Variants in GPD2 observed in about 807,000 individuals in gnomAD.
GPD2 encodes glycerol-3-phosphate dehydrogenase 2.
GPD2 carries 54 observed loss-of-function variants against 82.4 expected under a neutral mutation model. The observed-to-expected ratio is 0.66, with a 90% CI of 0.53 to 0.82. The LOEUF is 0.82. Ranked by LOEUF, GPD2 falls within the 40% of genes least tolerant of loss-of-function variation. GPD2 has a pLI of 0.00. For synonymous variants in GPD2, 288 were observed against 306.1 expected, an observed-to-expected ratio of 0.94 and a Z score of 0.62; for missense variants, 748 against 896.2, an observed-to-expected ratio of 0.83 and a Z score of 2.11.
intron 2 of GPD2, among the ~76,000 whole-genome samples, chr2:156,483,663 T>A (rs17251686): frequency 0.24 from 36,214 of 152,144 alleles, 5,175 homozygotes; most frequent in South Asian, 0.33. Context: ...ATCAAAATCA[T>A]AAGCATAGTA....
At chr2:156,533,769 C>A (rs915228202) in intron 6 of GPD2, among the ~76,000 whole-genome samples, 1 of 152,204 alleles carries the variant, frequency 6.6e-6, no homozygotes, top group Non-Finnish European at 1.5e-5. Context: ...ACCCCCCTCG[C>A]AGGATGTGCA....
chr2:156,467,801 G>A (rs976846246), intron 1 of GPD2, among the ~76,000 whole-genome samples: 3 of 152,142 alleles, frequency 2.0e-5, no homozygotes, highest in South Asian at 4.1e-4. Context: ...ACAGGCTAAT[G>A]TGCCTCTTCT....
At chr2:156,504,171 A>G (rs1181061452) in intron 3 of GPD2, among the ~76,000 whole-genome samples, 1 of 152,196 alleles carries the variant, frequency 6.6e-6, no homozygotes, top group Non-Finnish European at 1.5e-5. Context: ...GCTAATATTC[A>G]CTTTTGGAAA....
chr2:156,550,495 G>T, intron 7 of GPD2, 107 bp from the exon 8 acceptor site: 1 of 1,084,552 alleles, frequency 9.2e-7, no homozygotes, highest in Middle Eastern at 2.7e-4. Context: ...AGTGTGGTAT[G>T]CAGTATACTT....
intron 1 of GPD2, among the ~76,000 whole-genome samples, chr2:156,461,396 T>G (rs1682983388): frequency 6.6e-6 from 1 of 152,190 alleles, no homozygotes; most frequent in African/African-American, 2.4e-5. Context: ...CTTTTTTGTT[T>G]GTTTGTTTTT....
chr2:156,452,958 C>G (rs1682667019), intron 1 of GPD2, among the ~76,000 whole-genome samples: 1 of 152,168 alleles, frequency 6.6e-6, no homozygotes, highest in South Asian at 2.1e-4. Context: ...ACTTTACTTT[C>G]CCAGTGAAGT....
At chr2:156,503,544 G>C (rs1684667954) in intron 3 of GPD2, among the ~76,000 whole-genome samples, 2 of 152,000 alleles carry the variant, frequency 1.3e-5, no homozygotes, top group Admixed American at 6.6e-5. Context: ...ATTTATAATG[G>C]CAAAAAATTG....
At chr2:156,425,311 T>A in the GPD2 span, among the ~76,000 whole-genome samples, 1 of 152,250 alleles carries the variant, frequency 6.6e-6, no homozygotes, top group Admixed American at 6.5e-5. Context: ...ACTATGTTGC[T>A]CAGGATCTTC....
intron 1 of GPD2, among the ~76,000 whole-genome samples, chr2:156,464,543 T>C (rs990736579): frequency 6.6e-6 from 1 of 152,072 alleles, no homozygotes; most frequent in African/African-American, 2.4e-5. Context: ...GGAAACAGAG[T>C]GACTGGTCTT....
chr2:156,436,910 G>A (rs1259962626), intron 1 of GPD2, among the ~76,000 whole-genome samples: 3 of 152,170 alleles, frequency 2.0e-5, no homozygotes, highest in Non-Finnish European at 4.4e-5. Flanking sequence ...GCGTGTGACC[G>A]TCCTAGGAGG....
intron 1 of GPD2, among the ~76,000 whole-genome samples, chr2:156,452,906 A>G (rs1682665073): frequency 6.6e-6 from 1 of 152,184 alleles, no homozygotes; most frequent in African/African-American, 2.4e-5. Context: ...ATAAGTCATC[A>G]TTTGGGTGGT....
intron 1 of GPD2, among the ~76,000 whole-genome samples, chr2:156,453,146 A>G (rs1380006537): frequency 6.6e-6 from 1 of 152,128 alleles, no homozygotes; most frequent in African/African-American, 2.4e-5. Flanking sequence ...TTTTTTTCCC[A>G]GGCAGTTTCT....
intron 6 of GPD2, among the ~76,000 whole-genome samples, chr2:156,516,222 A>G (rs1573952263): frequency 6.6e-6 from 1 of 152,366 alleles, no homozygotes; most frequent in East Asian, 1.9e-4. Flanking sequence ...TGATGAGAAT[A>G]TAACAATAGT....
intron 6 of GPD2, among the ~76,000 whole-genome samples, chr2:156,522,909 T>C (rs1268596418): frequency 4.1e-5 from 6 of 145,556 alleles, no homozygotes; most frequent in Non-Finnish European, 9.3e-5. Context: ...TATGATTGAT[T>C]TTTTTTTTTC....
the GPD2 span, among the ~76,000 whole-genome samples, chr2:156,406,822 T>C: frequency 7.2e-5 from 11 of 152,298 alleles, no homozygotes; most frequent in African/African-American, 2.6e-4. Flanking sequence ...TTCTTCTTCT[T>C]CCCAAGTTAT....
chr2:156,480,000 T>C (rs999645140), intron 2 of GPD2, among the ~76,000 whole-genome samples: 1 of 152,060 alleles, frequency 6.6e-6, no homozygotes, highest in Non-Finnish European at 1.5e-5. Flanking sequence ...TCTGTGGTGG[T>C]GTGGAGATTT....
At chr2:156,511,013 G>A (rs1322678418) in intron 4 of GPD2, 93 bp downstream of exon 4, 4 of 1,070,582 alleles carry the variant, frequency 3.7e-6, no homozygotes, top group Non-Finnish European at 4.4e-6. Flanking sequence ...TGGCTTAAAA[G>A]CATTTCTTCC....
chr2:156,574,863 G>T lies in GPD2; in HGVS notation c.1767+3571G>T, dbSNP rs192258204. ...ACAAAAGCAAATAAGACCTAATCTA[G>T]ATCATTGCTTAAGGTGGCAGGCATC... On this transcript the variant is annotated intron_variant, in intron 13 of 16. Coordinates refer to ENST00000438166, the MANE Select transcript of GPD2 (RefSeq NM_000408.5). 6.6e-4 allele frequency among the ~76,000 whole-genome samples: 100 copies of T among 152,286 alleles called. 2 individuals carry two copies. The highest frequency in any genetic ancestry group is 1.3e-4 in the Non-Finnish European group (9 of 68,022).
intron 8 of GPD2, among the ~76,000 whole-genome samples, chr2:156,553,526 A>G (rs1423986170): frequency 6.6e-6 from 1 of 152,206 alleles, no homozygotes; most frequent in Non-Finnish European, 1.5e-5. Flanking sequence ...GTACATAACT[A>G]GAAATTTCAA....
Sources: allele counts gnomAD v4.1 joint callset (sites outside exome capture counted in the v4.1 genomes callset), GRCh38; gene constraint gnomAD v4.1.1; transcripts MANE v1.5; gene names NCBI Gene and HGNC (gene_info 2026-07-23, HGNC 2026-07-21).